Variants in PTPRD observed in about 807,000 individuals in gnomAD.
PTPRD encodes the protein protein tyrosine phosphatase receptor type D, also known as receptor-type tyrosine-protein phosphatase delta.
PTPRD carries 34 observed loss-of-function variants against 214.5 expected under a neutral mutation model. The observed-to-expected ratio is 0.16, with a 90% confidence interval of 0.12 to 0.21. The LOEUF is 0.21. PTPRD is among the 10% of genes least tolerant of loss of function. The pLI is 1.00. For synonymous variants in PTPRD, 1,128 were observed against 845.7 expected, an observed-to-expected ratio of 1.33 and a Z score of -5.79; for missense variants, 2,545 against 2,398.7, an observed-to-expected ratio of 1.06 and a Z score of -1.27.
At chr9:10,521,466 G>C (rs2052259918) in intron 2 of PTPRD, among the ~76,000 whole-genome samples, 1 of 152,154 alleles carries the variant, frequency 6.6e-6, no homozygotes, top group African/African-American at 2.4e-5. Flanking sequence ...TAAATGATTA[G>C]AATATTCCAT....
rs61568881 is a variant in PTPRD at position 9,744,965 on chromosome 9, T to G, written c.-325-10394A>C. Among the ~76,000 whole-genome samples the G allele has an allele frequency of 9.4e-3, 1,428 of 152,168 alleles. 22 individuals carry two copies. Among genetic ancestry groups the G allele is most frequent in the African/African-American group, 0.032 (1,309 of 41,546 alleles). ...CACATCAGAAATCAATAGAAAGCATTTTCTTGAATCTCATTTCCATAATCA... is the reference window on the plus strand; with the variant it reads ...CACATCAGAAATCAATAGAAAGCATGTTCTTGAATCTCATTTCCATAATCA... On this transcript the variant is annotated intron_variant, in intron 6 of 45. Coordinates refer to ENST00000381196, the MANE Select transcript of PTPRD (RefSeq NM_002839.4).
intron 2 of PTPRD, among the ~76,000 whole-genome samples, chr9:10,420,438 G>C (rs947684578): frequency 2.6e-5 from 4 of 151,852 alleles, no homozygotes; most frequent in African/African-American, 7.2e-5. Flanking sequence ...AATTAGGGGA[G>C]ACATAGAGAT....
chr9:8,396,625 A>G (rs981627158), intron 36 of PTPRD, among the ~76,000 whole-genome samples: 2 of 152,202 alleles, frequency 1.3e-5, no homozygotes, highest in African/African-American at 4.8e-5. Flanking sequence ...ACAAGAGTAA[A>G]GCAAAAAACA....
intron 2 of PTPRD, among the ~76,000 whole-genome samples, chr9:10,478,689 C>G (rs1374528791): frequency 2.6e-5 from 4 of 151,664 alleles, no homozygotes; most frequent in African/African-American, 4.8e-5. Flanking sequence ...AATAACATAT[C>G]AAAATACAAT....
At chr9:9,572,558 T>G in intron 8 of PTPRD, among the ~76,000 whole-genome samples, 1 of 112,268 alleles carries the variant, frequency 8.9e-6, no homozygotes. Context: ...GGCATATATA[T>G]ATGTATATAT....
chr9:9,502,209 T>G (rs1028367374), intron 8 of PTPRD, among the ~76,000 whole-genome samples: 1 of 151,896 alleles, frequency 6.6e-6, no homozygotes, highest in Admixed American at 6.6e-5. Context: ...GTACGTTAGA[T>G]CTCTAGGACT....
intron 11 of PTPRD, among the ~76,000 whole-genome samples, chr9:8,995,173 C>G (rs1294010167): frequency 1.3e-5 from 2 of 151,876 alleles, no homozygotes; most frequent in Non-Finnish European, 2.9e-5. Context: ...GATATAACAA[C>G]CAAATGCAAT....
chr9:9,947,959 C>T (rs371159939), intron 4 of PTPRD, among the ~76,000 whole-genome samples: 21 of 151,712 alleles, frequency 1.4e-4, no homozygotes, highest in Middle Eastern at 3.4e-3. Context: ...AAGTTATCTA[C>T]GAGTTTCCTT....
chr9:10,243,368 T>A (rs2091487976), intron 3 of PTPRD, among the ~76,000 whole-genome samples: 3 of 152,054 alleles, frequency 2.0e-5, no homozygotes, highest in Admixed American at 6.6e-5. Flanking sequence ...TTTATCACTT[T>A]GTCTACCTTG....
chr9:8,929,929 G>A lies in PTPRD; in HGVS notation c.-104+88768C>T, dbSNP rs868593157. Among the ~76,000 whole-genome samples the A allele has an allele frequency of 2.0e-3, 264 of 132,024 alleles. 25 individuals are homozygous for A. Among genetic ancestry groups the A allele is most frequent in the African/African-American group, 6.2e-3 (233 of 37,430 alleles). 86.6% of individuals were successfully genotyped at this position (132,024 alleles called of 152,430 possible). A position where few individuals can be genotyped will look rare whatever the true frequency, so the allele number is the denominator to read the frequency against. The stretch of plus-strand genomic sequence containing the variant: ...TATATATGTGTGTGTATATATATAT[G>A]TGTATATATATATGTGTGTGTGTGT... On this transcript the variant is annotated intron_variant, in intron 11 of 45. Coordinates refer to ENST00000381196, the MANE Select transcript of PTPRD (RefSeq NM_002839.4).
At chr9:9,439,767 T>C (rs1588462839) in intron 8 of PTPRD, among the ~76,000 whole-genome samples, 3 of 152,226 alleles carry the variant, frequency 2.0e-5, no homozygotes, top group Non-Finnish European at 4.4e-5. Flanking sequence ...ATGGTAATCA[T>C]AGATACTGAC....
intron 11 of PTPRD, among the ~76,000 whole-genome samples, chr9:8,891,402 G>A (rs2098539086): frequency 6.6e-6 from 1 of 151,670 alleles, no homozygotes; most frequent in Admixed American, 6.6e-5. Flanking sequence ...AAAGTGCTGG[G>A]ATTACAGGCG....
intron 10 of PTPRD, among the ~76,000 whole-genome samples, chr9:9,036,327 A>G (rs1282671585): frequency 6.6e-6 from 1 of 152,108 alleles, no homozygotes; most frequent in Non-Finnish European, 1.5e-5. Context: ...AAGACAGCTT[A>G]CATAAATAAA....
At chr9:9,098,469 G>A (rs573225374) in intron 10 of PTPRD, among the ~76,000 whole-genome samples, 4 of 152,132 alleles carry the variant, frequency 2.6e-5, no homozygotes, top group East Asian at 1.9e-4. Flanking sequence ...GTCTGGTGTC[G>A]AACTCCTGAC....
intron 8 of PTPRD, among the ~76,000 whole-genome samples, chr9:9,472,283 A>G (rs2094659148): frequency 6.7e-6 from 1 of 150,162 alleles, no homozygotes; most frequent in East Asian, 2.0e-4. Context: ...GGCTCACTGC[A>G]AGCTCCGCTT....
chr9:9,560,522 T>C (rs141426785), intron 8 of PTPRD, among the ~76,000 whole-genome samples: 196 of 152,288 alleles, frequency 1.3e-3, no homozygotes, highest in East Asian at 4.3e-3. Flanking sequence ...CATGTTTCCA[T>C]TGAGGCTCAT....
At chr9:9,479,042 T>C (rs960386565) in intron 8 of PTPRD, among the ~76,000 whole-genome samples, 8 of 152,118 alleles carry the variant, frequency 5.3e-5, no homozygotes, top group Admixed American at 1.3e-4. Flanking sequence ...AATCACACAA[T>C]GGTTCATAAA....
chr9:10,110,262 G>T (rs887648477), intron 3 of PTPRD, among the ~76,000 whole-genome samples: 3 of 152,122 alleles, frequency 2.0e-5, no homozygotes, highest in Non-Finnish European at 4.4e-5. Context: ...TGCTCTAGTT[G>T]CACAAACTTG....
chr9:9,629,831 A>G (rs1250493892), intron 7 of PTPRD, among the ~76,000 whole-genome samples: 5 of 152,252 alleles, frequency 3.3e-5, no homozygotes, highest in African/African-American at 1.2e-4. Flanking sequence ...TACAAGAAGG[A>G]AAAACCAGCA....
Sources: gnomAD v4.1 joint callset for allele counts (sites outside exome capture counted in the v4.1 genomes callset) on GRCh38, gnomAD v4.1.1 for gene constraint, MANE v1.5 for transcripts, NCBI Gene and HGNC (gene_info 2026-07-23, HGNC 2026-07-21) for gene names.